TTC21B: variants seen among roughly 807,000 people sequenced by gnomAD.
TTC21B encodes the protein tetratricopeptide repeat domain 21B, also known as tetratricopeptide repeat protein 21B.
TTC21B carries 127 observed loss-of-function variants against 175.1 expected under a neutral mutation model. That is an observed-to-expected ratio of 0.73 (90% confidence interval 0.63 to 0.84). The LOEUF is 0.84. Ranked by LOEUF, TTC21B falls within the 40% of genes least tolerant of loss-of-function variation. TTC21B has a pLI of 0.00. For synonymous variants in TTC21B, 524 were observed against 524.5 expected (o/e 1.00, Z 0.01); for missense variants, 1,561 against 1,558.3 (o/e 1.00, Z -0.03).
At chr2:165,929,584 C>A in intron 10 of TTC21B, 66 bp downstream of exon 10, 1 of 1,179,186 alleles carries the variant, frequency 8.5e-7, no homozygotes. Flanking sequence ...AACAATAAGA[C>A]TGATTAATAA....
chr2:165,899,653 T>G, intron 21 of TTC21B, 117 bp downstream of exon 21: 1 of 722,190 alleles, frequency 1.4e-6, no homozygotes, highest in East Asian at 2.7e-5. Flanking sequence ...AAAAATGTTA[T>G]TTCTTCCAAA....
chr2:165,909,143 T>C (rs1685846046), intron 18 of TTC21B, among the ~76,000 whole-genome samples: 1 of 152,158 alleles, frequency 6.6e-6, no homozygotes, highest in South Asian at 2.1e-4. Flanking sequence ...TGAAGGAGTT[T>C]ATTATAAAAT....
rs1442801951 is a variant in TTC21B, at chr2:165,912,602, T to C, written c.2234A>G (p.Tyr745Cys). ...CGGGTTCTGATTTAATGCTTGCTCA[T>C]ATGCTACTATGGCTTCTTCAGGCTA... The part of the protein sequence containing the change: ...ILEPEEAIVA[Y>C]EQALNQNPKD... Residue 745 changes from tyrosine (Y) to cysteine (C), a missense_variant, in exon 17 of 29, where the codon TAT becomes TGT. Transcript: ENST00000243344. 1.9e-6 allele frequency: 3 copies of C among 1,614,130 alleles called. No homozygotes were observed. The highest frequency in any genetic ancestry group is 1.7e-6 in the Non-Finnish European group (2 of 1,179,998).
chr2:165,946,271 G>A (rs764843638), intron 3 of TTC21B, among the ~76,000 whole-genome samples: 1 of 151,828 alleles, frequency 6.6e-6, no homozygotes, highest in South Asian at 2.1e-4. Flanking sequence ...CTCGAGAGGC[G>A]GAGCTTGCAG....
At chr2:165,953,491 C>T (rs552502051) in intron 1 of TTC21B, among the ~76,000 whole-genome samples, 194 bp downstream of exon 1, 2 of 152,314 alleles carry the variant, frequency 1.3e-5, no homozygotes, top group African/African-American at 4.8e-5. Flanking sequence ...ACCTGGGCTT[C>T]CCCAGCAGGG....
chr2:165,881,355 C>T (rs902969849), intron 26 of TTC21B, among the ~76,000 whole-genome samples: 30 of 152,090 alleles, frequency 2.0e-4, no homozygotes, highest in African/African-American at 6.5e-4. Flanking sequence ...CCAGTACTGT[C>T]TAAATTTTAA....
chr2:165,913,686 G>A (rs781668627), intron 15 of TTC21B, 40 bp from the exon 16 acceptor site: 334 of 1,472,862 alleles, frequency 2.3e-4, no homozygotes, highest in Non-Finnish European at 3.0e-4. Flanking sequence ...ATTGAACACA[G>A]ATATCTTCTT....
chr2:165,913,464 G>T, intron 16 of TTC21B, 110 bp downstream of exon 16: 1 of 728,652 alleles, frequency 1.4e-6, no homozygotes, highest in Non-Finnish European at 2.4e-6. Flanking sequence ...TGTGATGGCT[G>T]GATCTTCAAA....
At chr2:165,883,621 A>G (rs1684904978) in intron 26 of TTC21B, among the ~76,000 whole-genome samples, 173 bp downstream of exon 26, 1 of 152,188 alleles carries the variant, frequency 6.6e-6, no homozygotes, top group Non-Finnish European at 1.5e-5. Flanking sequence ...TTTAAAGGAC[A>G]AATGGCTTTT....
Position 165,903,162 on chromosome 2 carries a change from G to C in TTC21B, c.2569-1252C>G, listed in dbSNP as rs374913476. Among the ~76,000 whole-genome samples the C allele has an allele frequency of 5.9e-5, 9 of 152,328 alleles. No individual in the cohort carries two copies. The Middle Eastern group carries it at 0.01, about 173-fold the overall frequency. On this transcript the variant is annotated intron_variant, in intron 19 of 28. Transcript: ENST00000243344. ...TGTCCCTTTTCCAACAAGTTAAGTG[G>C]AAAATGCTGTTGCCATGGGAGTACA... is the stretch of plus-strand genomic sequence containing the variant.
At chr2:165,931,894 T>A in intron 7 of TTC21B, 38 bp from the exon 8 acceptor site, 1 of 1,400,118 alleles carries the variant, frequency 7.1e-7, no homozygotes, top group Non-Finnish European at 1.0e-6. Context: ...TAAAATATAC[T>A]AAGTAAAAAC....
rs771326258 is a variant in TTC21B, at chr2:165,911,411, A to G, written c.2377T>C (p.Tyr793His). The change falls in exon 18 of 29, where the codon TAT (tyrosine) becomes CAT (histidine). Residue 793 changes from tyrosine to histidine, a missense_variant. Physicochemically the swap from Tyr to His is moderately conservative, Grantham distance 83. Coordinates refer to ENST00000243344, the MANE Select transcript of TTC21B (RefSeq NM_024753.5). ...LKTGQKNYLC[Y>H]DLAELLLKLK... ...TTTAATAAGAGCTCAGCCAGGTCAT[A>G]GCAAAGATAATTCTTTTGTCCAGTT... The G allele has an allele frequency of 9.3e-6, 15 of 1,613,928 alleles. No homozygotes were observed. Among genetic ancestry groups the G allele is most frequent in the Non-Finnish European group, 1.3e-5 (15 of 1,179,912 alleles).
chr2:165,943,238 G>A lies in TTC21B; in HGVS notation c.533C>T (p.Thr178Ile), dbSNP rs374933076. The A allele has an allele frequency of 6.2e-7, 1 of 1,613,558 alleles. No individual in the cohort carries two copies. Among genetic ancestry groups the A allele is most frequent in the East Asian group, 2.2e-5 (1 of 44,852 alleles). ...ACTCACCTTACCCAGCAGAGCAAAA[G>A]TATCATTCCCATCTTGGAGTCCCTC... ...FEEGLQDGND[T>I]FALLGKAQCL... Residue 178 changes from threonine (T) to isoleucine (I), a missense_variant, in exon 5 of 29, where the codon ACT becomes ATT. Thr to Ile is a moderately conservative substitution (Grantham distance 89). Transcript: ENST00000243344.
chr2:165,940,573 T>G (rs1266338516), intron 6 of TTC21B, among the ~76,000 whole-genome samples: 1 of 152,208 alleles, frequency 6.6e-6, no homozygotes, highest in Non-Finnish European at 1.5e-5. Flanking sequence ...CTCTCAAATA[T>G]CTGCATGGCT....
At chr2:165,887,879 TG>T (rs887946662) in intron 25 of TTC21B, among the ~76,000 whole-genome samples, 6 of 152,218 alleles carry the variant, frequency 3.9e-5, no homozygotes, top group Admixed American at 1.3e-4. Flanking sequence ...GCTATATAGC[TG>T]GAAAAATTCC....
chr2:165,914,665 G>GTGTGTT (rs1175266827), intron 15 of TTC21B, among the ~76,000 whole-genome samples: 5 of 129,300 alleles, frequency 3.9e-5, no homozygotes. Context: ...ATCTGTGTGT[G>GTGTGTT]TGTGTGTGTG....
intron 25 of TTC21B, among the ~76,000 whole-genome samples, chr2:165,885,227 T>C (rs1470688268): frequency 6.6e-6 from 1 of 152,118 alleles, no homozygotes; most frequent in East Asian, 1.9e-4. Flanking sequence ...AAGTATACTA[T>C]AAGATAGCAA....
chr2:165,914,819 T>C (rs367902237), intron 15 of TTC21B, among the ~76,000 whole-genome samples: 24 of 152,168 alleles, frequency 1.6e-4, no homozygotes, highest in African/African-American at 5.8e-4. Flanking sequence ...ACTTTTTTTT[T>C]CCTACAACTA....
Position 165,945,667 on chromosome 2 carries a change from C to G in TTC21B, c.286G>C (p.Asp96His). 1.2e-6 allele frequency: 2 copies of G among 1,613,442 alleles called. No individual in the cohort carries two copies. Among genetic ancestry groups the G allele is most frequent in the Non-Finnish European group, 1.7e-6 (2 of 1,179,884 alleles). The change falls in exon 4 of 29, where the codon GAT (aspartate) becomes CAT (histidine). Residue 96 changes from aspartate (D) to histidine (H), a missense_variant. Transcript: ENST00000243344. ...TTACGTTGTTCCTTCACTCTGGCAT[C>G]TGATTCCAGAATAGCTTCTCTATCT... ...NPDREAILES[D>H]ARVKEQRKGA...
Sources: gnomAD v4.1 joint callset for allele counts (sites outside exome capture counted in the v4.1 genomes callset) on GRCh38, gnomAD v4.1.1 for gene constraint, MANE v1.5 for transcripts, NCBI Gene and HGNC (gene_info 2026-07-23, HGNC 2026-07-21) for gene names.